Variants in LSAMP observed in about 807,000 individuals in gnomAD.
The protein encoded by LSAMP is limbic system-associated membrane protein.
A neutral mutation model predicts 38.6 loss-of-function variants in LSAMP; 7 were observed. That is an observed-to-expected ratio of 0.18 (90% CI 0.10 to 0.34). The LOEUF (loss-of-function observed/expected upper bound fraction) is 0.34. Among genes scored for constraint, LSAMP ranks in the 10% least tolerant of loss-of-function variants. LSAMP has a pLI of 1.00. For missense variants in LSAMP, 313 were observed against 420.0 expected, an observed-to-expected ratio of 0.75 and a Z score of 2.23; for synonymous variants, 154 against 166.8, an observed-to-expected ratio of 0.92 and a Z score of 0.59.
At position 115,862,729 on chromosome 3, in the gene LSAMP, C is replaced by A. The variant is rs148066733; in HGVS notation, c.515-10112G>T. ...AATTAAAGGGTCCAGCCATTGGCTTCTTCATTTTGACCTAAAGGTACAAGC... is the reference window on the plus strand; with the variant it reads ...AATTAAAGGGTCCAGCCATTGGCTTATTCATTTTGACCTAAAGGTACAAGC... On this transcript the variant is annotated intron_variant, in intron 3 of 6. Coordinates refer to ENST00000490035, the MANE Select transcript of LSAMP (RefSeq NM_002338.5). Among the ~76,000 whole-genome samples the A allele has an allele frequency of 4.5e-4, 69 of 152,274 alleles. 1 individual carries two copies. The highest frequency in any genetic ancestry group is 2.9e-3 in the East Asian group (15 of 5,180).
At chr3:115,861,130 T>TTTCCTTCCTTCCTTCC (rs369018115) in intron 3 of LSAMP, among the ~76,000 whole-genome samples, 2 of 64,598 alleles carry the variant, frequency 3.1e-5, no homozygotes, top group Non-Finnish European at 6.3e-5. Context: ...TCCTTCTTTC[T>TTTCCTTCCTTCCTTCC]TTCCTTCCTT....
chr3:116,093,856 C>A (rs1352004822), intron 1 of LSAMP, among the ~76,000 whole-genome samples: 1 of 152,036 alleles, frequency 6.6e-6, no homozygotes, highest in African/African-American at 2.4e-5. Flanking sequence ...TTCAATCCTA[C>A]AAATAAAACC....
At chr3:115,950,694 A>C (rs1233642765) in intron 3 of LSAMP, among the ~76,000 whole-genome samples, 1 of 151,100 alleles carries the variant, frequency 6.6e-6, no homozygotes, top group Non-Finnish European at 1.5e-5. Context: ...ATTAAGTGCA[A>C]TTCCTATCAA....
At chr3:116,256,020 C>T (rs1178313399) in intron 1 of LSAMP, among the ~76,000 whole-genome samples, 2 of 152,066 alleles carry the variant, frequency 1.3e-5, no homozygotes, top group Non-Finnish European at 2.9e-5. Flanking sequence ...GCTGATCCTT[C>T]CTTGTTTATC....
chr3:116,400,925 T>C (rs1035783877), intron 1 of LSAMP, among the ~76,000 whole-genome samples: 5 of 152,202 alleles, frequency 3.3e-5, no homozygotes, highest in Admixed American at 1.3e-4. Context: ...CCTGTGCATA[T>C]ATACTACCTA....
intron 1 of LSAMP, among the ~76,000 whole-genome samples, chr3:116,159,629 G>C (rs563422248): frequency 6.6e-6 from 1 of 152,250 alleles, no homozygotes; most frequent in African/African-American, 2.4e-5. Context: ...AAAGAAAAGG[G>C]AACAATTATA....
intron 1 of LSAMP, among the ~76,000 whole-genome samples, chr3:116,190,359 C>T (rs921812735): frequency 6.6e-6 from 1 of 152,122 alleles, no homozygotes; most frequent in Non-Finnish European, 1.5e-5. Context: ...AGTAATTATA[C>T]CCTGCTGAGA....
rs529277259 is a variant in LSAMP, at chr3:116,020,747, A to G, written c.389-1107T>C. ...ACAAATTTCATCACAGAGGTTATGC[A>G]CTGATTACAAATAGCAGGGTTTATA... On this transcript the variant is annotated intron_variant, in intron 2 of 6. Transcript: ENST00000490035. 2.0e-5 allele frequency among the ~76,000 whole-genome samples: 3 copies of G among 152,308 alleles called. No individual in the cohort carries two copies. The East Asian group carries it at 5.8e-4, about 29-fold the overall frequency.
chr3:116,059,031 A>G (rs1377508394), intron 2 of LSAMP, among the ~76,000 whole-genome samples: 1 of 152,108 alleles, frequency 6.6e-6, no homozygotes. Context: ...AAGGGCTGTG[A>G]CACATTCCCT....
chr3:116,431,273 GA>G, intron 1 of LSAMP, among the ~76,000 whole-genome samples: 1 of 152,094 alleles, frequency 6.6e-6, no homozygotes, highest in South Asian at 2.1e-4. Flanking sequence ...GAAGCCTGTT[GA>G]AGTACAGATA....
At chr3:115,944,304 T>C (rs1938025010) in intron 3 of LSAMP, among the ~76,000 whole-genome samples, 1 of 152,178 alleles carries the variant, frequency 6.6e-6, no homozygotes, top group Non-Finnish European at 1.5e-5. Flanking sequence ...GACAATCTCT[T>C]TGGATACATG....
rs540112315 is a variant in LSAMP at position 115,929,357 on chromosome 3, T to C, written c.515-76740A>G. Among the ~76,000 whole-genome samples, 3 of 152,248 alleles carry C rather than the reference T, an allele frequency of 2.0e-5. No homozygotes were observed. The South Asian group carries it at 6.2e-4, about 32-fold the overall frequency. Reference sequence around the variant, plus strand: ...GTGAGAACTATAAATCTAGGCAAGGTTAGAAGGTCACATGGAATTCTACTT... The same window carrying C: ...GTGAGAACTATAAATCTAGGCAAGGCTAGAAGGTCACATGGAATTCTACTT... On this transcript the variant is annotated intron_variant, in intron 3 of 6. Coordinates refer to ENST00000490035, the MANE Select transcript of LSAMP (RefSeq NM_002338.5).
chr3:116,219,300 A>G (rs2046255457), intron 1 of LSAMP, among the ~76,000 whole-genome samples: 1 of 152,208 alleles, frequency 6.6e-6, no homozygotes, highest in African/African-American at 2.4e-5. Context: ...TAAAGGCTGA[A>G]TAGTATTCCA....
chr3:116,288,856 A>G lies in LSAMP; in HGVS notation c.155+156021T>C, dbSNP rs560626068. On this transcript the variant is annotated intron_variant, in intron 1 of 6. Transcript: ENST00000490035. The stretch of plus-strand genomic sequence containing the variant: ...TCTTAGTATTTATTAAGTTATTTCA[A>G]TACCAAAGAGAGACAAACAGTATGC... 8.4e-4 allele frequency among the ~76,000 whole-genome samples: 128 copies of G among 152,330 alleles called. 4 individuals carry two copies. Among genetic ancestry groups the G allele is most frequent in the Non-Finnish European group, 3.1e-4 (21 of 68,018 alleles).
chr3:115,823,908 C>T (rs1221323675), intron 6 of LSAMP, among the ~76,000 whole-genome samples: 1 of 152,078 alleles, frequency 6.6e-6, no homozygotes, highest in East Asian at 1.9e-4. Flanking sequence ...TGGGTATTGT[C>T]GTATAAAGTA....
At chr3:116,294,983 G>A (rs6769258) in intron 1 of LSAMP, among the ~76,000 whole-genome samples, 9,067 of 152,246 alleles carry the variant, frequency 0.06, 489 homozygotes, top group African/African-American at 0.15. Flanking sequence ...AAAACTCATC[G>A]TCAAGAGAGC....
At chr3:116,393,391 T>C (rs1382399703) in intron 1 of LSAMP, among the ~76,000 whole-genome samples, 1 of 152,156 alleles carries the variant, frequency 6.6e-6, no homozygotes, top group Non-Finnish European at 1.5e-5. Flanking sequence ...AGAGAACCAG[T>C]GCCCGTTATG....
At chr3:115,926,566 C>T (rs530470229) in intron 3 of LSAMP, among the ~76,000 whole-genome samples, 1 of 152,284 alleles carries the variant, frequency 6.6e-6, no homozygotes, top group South Asian at 2.1e-4. Context: ...AATAGGCACA[C>T]TCAGCTTCCC....
chr3:116,208,212 A>G (rs1292844256), intron 1 of LSAMP, among the ~76,000 whole-genome samples: 2 of 151,918 alleles, frequency 1.3e-5, no homozygotes, highest in Non-Finnish European at 2.9e-5. Flanking sequence ...AGGCTTCTGC[A>G]TTCTTCACGT....
Sources: gnomAD v4.1 joint callset for allele counts (sites outside exome capture counted in the v4.1 genomes callset) on GRCh38, gnomAD v4.1.1 for gene constraint, MANE v1.5 for transcripts, NCBI Gene and HGNC (gene_info 2026-07-23, HGNC 2026-07-21) for gene names.